UEVLD: variants seen among roughly 807,000 people sequenced by gnomAD.
UEVLD encodes UEV and lactate/malate dehyrogenase domains.
In UEVLD, 47 loss-of-function variants were observed where a neutral mutation model predicts 58.6. The ratio of observed to expected loss-of-function variants is 0.80; its 90% confidence interval spans 0.63 to 1.02. The LOEUF (loss-of-function observed/expected upper bound fraction) is 1.02. Ranked by LOEUF, UEVLD falls within the 50% of genes least tolerant of loss-of-function variation. The pLI is 0.00. For synonymous variants in UEVLD, 197 were observed against 195.3 expected (o/e 1.01, Z -0.07); for missense variants, 510 against 550.6 (o/e 0.93, Z 0.74).
In UEVLD at chr11:18,588,328, T is replaced by C. The variant is rs919916748; in HGVS notation, c.42+285A>G. The stretch of plus-strand genomic sequence containing the variant: ...CAGCAGAGAGAAAGAGAGAAAGGCG[T>C]GGTTAGGCGTGTGCTGGGAGCTGTT... On this transcript the variant is annotated intron_variant, in intron 1 of 11. Coordinates refer to ENST00000396197, the MANE Select transcript of UEVLD (RefSeq NM_001040697.4). 5.3e-5 allele frequency among the ~76,000 whole-genome samples: 8 copies of C among 151,962 alleles called. No individual in the cohort carries two copies. In the South Asian group the frequency reaches 1.7e-3, roughly 32 times the overall value.
intron 1 of UEVLD, 55 bp downstream of exon 1, chr11:18,588,558 A>T: frequency 6.3e-7 from 1 of 1,592,152 alleles, no homozygotes; most frequent in South Asian, 1.1e-5. Flanking sequence ...CCAAAGGCAG[A>T]GGCACCCCCC....
rs148390780 is a variant in UEVLD, at chr11:18,578,708, A to G, written c.127+16T>C. ...TCAAATAATGCAGCATTTAAACTAGAGGATATGATTCTTACCATAGGTGTC... is the reference window on the plus strand; with the variant it reads ...TCAAATAATGCAGCATTTAAACTAGGGGATATGATTCTTACCATAGGTGTC... On this transcript the variant is annotated intron_variant, in intron 2 of 11. Coordinates refer to ENST00000396197, the MANE Select transcript of UEVLD (RefSeq NM_001040697.4). 781 of 1,567,358 alleles carry G rather than the reference A, an allele frequency of 5.0e-4. 1 individual carries two copies. The African/African-American group carries it at 9.3e-3, about 19-fold the overall frequency.
chr11:18,566,628 G>A, intron 4 of UEVLD, 146 bp from the exon 5 acceptor site: 1 of 771,948 alleles, frequency 1.3e-6, no homozygotes, highest in Admixed American at 3.1e-5. Context: ...TTGGGCAACA[G>A]AATGAGACTT....
Position 18,551,579 on chromosome 11 carries a change from A to G in UEVLD, c.716-4529T>C, listed in dbSNP as rs148652376. 1.4e-3 allele frequency among the ~76,000 whole-genome samples: 217 copies of G among 152,288 alleles called. 1 individual carries two copies. Among genetic ancestry groups the G allele is most frequent in the African/African-American group, 4.8e-3 (198 of 41,552 alleles). On this transcript the variant is annotated intron_variant, in intron 7 of 11. Transcript: ENST00000396197. The stretch of plus-strand genomic sequence containing the variant: ...TTGTCCCTACTCTATATATCACACA[A>G]TGTAGTACAAGGGTTAGTAAGGAGG...
chr11:18,588,270 T>C (rs185474933), intron 1 of UEVLD, among the ~76,000 whole-genome samples: 1 of 151,950 alleles, frequency 6.6e-6, no homozygotes, highest in South Asian at 2.1e-4. Flanking sequence ...AGCTTTGCAA[T>C]TCAAGAAAAA....
chr11:18,565,005 A>G lies in UEVLD; in HGVS notation c.499T>C (p.Ser167Pro). The G allele has an allele frequency of 6.2e-7, 1 of 1,600,348 alleles. No individual in the cohort carries two copies. Among genetic ancestry groups the G allele is most frequent in the Non-Finnish European group, 8.6e-7 (1 of 1,169,576 alleles). Residue 167 changes from serine (S) to proline (P), a missense_variant, in exon 6 of 12, where the codon TCA becomes CCA. Ser to Pro is a moderately conservative substitution (Grantham distance 74, BLOSUM62 -1). Transcript: ENST00000396197. ...GCCCAGCTCTTTGAATTTGTATCTGAAACACCTAGAAAGAAAGGTGAATTA... is the reference window on the plus strand; with the variant it reads ...GCCCAGCTCTTTGAATTTGTATCTGGAACACCTAGAAAGAAAGGTGAATTA... The part of the protein sequence containing the change: ...AYIAKITEGV[S>P]DTNSKSWANH...
At chr11:18,557,913 C>A (rs189127035) in intron 7 of UEVLD, among the ~76,000 whole-genome samples, 146 of 152,198 alleles carry the variant, frequency 9.6e-4, no homozygotes, top group African/African-American at 3.4e-3. Flanking sequence ...TGCTCTTAAC[C>A]AATATATTCT....
In UEVLD at chr11:18,534,470, C is replaced by T. The variant is rs774242074; in HGVS notation, c.1125-17G>A. The T allele has an allele frequency of 9.7e-6, 15 of 1,553,678 alleles. No homozygotes were observed. Among genetic ancestry groups the T allele is most frequent in the Admixed American group, 2.3e-5 (1 of 43,896 alleles). On this transcript the variant is annotated splice_polypyrimidine_tract_variant and intron_variant, in intron 10 of 11. Transcript: ENST00000396197. Reference sequence around the variant, plus strand: ...TCCATGGCTCTAGGTTACAAAAATACGTGATCTCAGAAAATGCATAAAATA... The same window carrying T: ...TCCATGGCTCTAGGTTACAAAAATATGTGATCTCAGAAAATGCATAAAATA...
At chr11:18,576,950 AGGTG>A (rs990959958) in intron 2 of UEVLD, among the ~76,000 whole-genome samples, 8 of 152,328 alleles carry the variant, frequency 5.3e-5, no homozygotes, top group African/African-American at 1.9e-4. Flanking sequence ...TGGGAGGCCA[AGGTG>A]GGTGGATCAC....
chr11:18,542,765 G>T (rs1482009250), intron 9 of UEVLD, among the ~76,000 whole-genome samples: 1 of 151,802 alleles, frequency 6.6e-6, no homozygotes, highest in Non-Finnish European at 1.5e-5. Context: ...GTTTTGAGAG[G>T]GTGATTTGCT....
At chr11:18,582,730 C>T (rs77065611) in intron 1 of UEVLD, among the ~76,000 whole-genome samples, 2,445 of 152,248 alleles carry the variant, frequency 0.016, 74 homozygotes, top group African/African-American at 0.056. Context: ...GCATAACATT[C>T]TCTAAAGAAA....
chr11:18,553,317 C>T (rs1277050843), intron 7 of UEVLD, among the ~76,000 whole-genome samples: 1 of 149,412 alleles, frequency 6.7e-6, no homozygotes, highest in Non-Finnish European at 1.5e-5. Context: ...CAGAGCAAGA[C>T]TCTGTCTCAA....
intron 2 of UEVLD, among the ~76,000 whole-genome samples, chr11:18,576,734 G>A (rs980671522): frequency 6.6e-6 from 1 of 151,646 alleles, no homozygotes; most frequent in Non-Finnish European, 1.5e-5. Context: ...GCCCCAACCC[G>A]GGAAGTGACC....
Position 18,578,788 on chromosome 11 carries a change from A to C in UEVLD, c.63T>G (p.Thr21=), listed in dbSNP as rs1297429766. Residue 21 remains threonine, a synonymous_variant, in exon 2 of 12, where the codon ACT becomes ACG. Transcript: ENST00000396197. Reference sequence around the variant, plus strand: ...CATTTACATTCCTTAGTTCTTCCACAGTTAGGTCCCTGAACTTGTACTGAA... The same window carrying C: ...CATTTACATTCCTTAGTTCTTCCACCGTTAGGTCCCTGAACTTGTACTGAA... ...LLGKYKFRDL[T]VEELRNVNVF... 6 of 1,606,924 alleles carry C rather than the reference A, an allele frequency of 3.7e-6. No individual in the cohort carries two copies. Among genetic ancestry groups the C allele is most frequent in the African/African-American group, 2.7e-5 (2 of 74,692 alleles).
intron 1 of UEVLD, among the ~76,000 whole-genome samples, chr11:18,587,967 C>CCCCCTACT (rs1853666951): frequency 6.6e-6 from 1 of 152,112 alleles, no homozygotes; most frequent in Non-Finnish European, 1.5e-5. Flanking sequence ...CCCGCCTACT[C>CCCCCTACT]CCCAGCCTTC....
intron 7 of UEVLD, among the ~76,000 whole-genome samples, chr11:18,547,551 G>T (rs1217190341): frequency 6.6e-6 from 1 of 152,046 alleles, no homozygotes; most frequent in African/African-American, 2.4e-5. Context: ...GTATCCCCAG[G>T]GGGGAAGATA....
At chr11:18,552,196 A>G (rs2133989620) in intron 7 of UEVLD, among the ~76,000 whole-genome samples, 1 of 152,342 alleles carries the variant, frequency 6.6e-6, no homozygotes, top group Admixed American at 6.5e-5. Flanking sequence ...GTTCTCTCAT[A>G]CTAATGATAA....
intron 1 of UEVLD, among the ~76,000 whole-genome samples, chr11:18,581,907 A>C (rs1182034641): frequency 2.0e-5 from 3 of 152,150 alleles, no homozygotes; most frequent in Admixed American, 6.6e-5. Context: ...TAGACATAGA[A>C]AGTAATTATG....
chr11:18,534,223 G>T lies in UEVLD; in HGVS notation c.1248+107C>A, dbSNP rs972407764. On this transcript the variant is annotated intron_variant, in intron 11 of 11. Transcript: ENST00000396197. ...CTCCTACCTGTTACTCTAAAAGCTG[G>T]TGATACTGAAGACACCTGGGGTTAG... The T allele has an allele frequency of 8.1e-5, 66 of 815,478 alleles. No individual in the cohort carries two copies. In the East Asian group the frequency reaches 2.2e-3, roughly 27 times the overall value. 50.5% of individuals were successfully genotyped at this position (815,478 alleles called of 1,614,324 possible).
Sources: allele counts gnomAD v4.1 joint callset (sites outside exome capture counted in the v4.1 genomes callset), GRCh38; gene constraint gnomAD v4.1.1; transcripts MANE v1.5; gene names NCBI Gene and HGNC (gene_info 2026-07-23, HGNC 2026-07-21).